Variants in CHD7 observed in about 807,000 individuals in gnomAD.
The protein encoded by CHD7 is ATP-dependent chromatin remodeler CHD7.
CHD7 carries 24 observed loss-of-function variants against 307.3 expected under a neutral mutation model. The ratio of observed to expected loss-of-function variants is 0.08; its 90% CI spans 0.06 to 0.11. CHD7 has a LOEUF of 0.11. Among genes scored for constraint, CHD7 ranks in the 10% least tolerant of loss-of-function variants. The pLI is 1.00. For synonymous variants in CHD7, 1,363 were observed against 1,349.9 expected (o/e 1.01, Z -0.21); for missense variants, 3,106 against 3,727.1 (o/e 0.83, Z 4.34).
intron 2 of CHD7, among the ~76,000 whole-genome samples, chr8:60,766,616 A>G (rs1282696490): frequency 6.6e-6 from 1 of 152,164 alleles, no homozygotes; most frequent in East Asian, 1.9e-4. Flanking sequence ...CTTTGTCTAC[A>G]TTGAAGGTGG....
At chr8:60,745,043 G>GGT (rs1249674813) in intron 2 of CHD7, among the ~76,000 whole-genome samples, 1 of 150,584 alleles carries the variant, frequency 6.6e-6, no homozygotes, top group African/African-American at 2.4e-5. Context: ...TGAAGACCTT[G>GGT]GTGATCCTCA....
At chr8:60,839,554 G>GTA (rs1804880660) in intron 19 of CHD7, among the ~76,000 whole-genome samples, 1 of 152,112 alleles carries the variant, frequency 6.6e-6, no homozygotes, top group South Asian at 2.1e-4. Context: ...CAGATAGTAA[G>GTA]AAGTATAGAT....
chr8:60,849,003 T>G (rs1805330888), intron 24 of CHD7, 48 bp from the exon 25 acceptor site: 1 of 1,412,142 alleles, frequency 7.1e-7, no homozygotes, highest in Non-Finnish European at 1.0e-6. Context: ...ATTCATTACT[T>G]GGAATTCTTT....
Position 60,850,535 on chromosome 8 carries a change from G to C in CHD7, c.5447G>C (p.Cys1816Ser), listed in dbSNP as rs570691119. Residue 1816 changes from cysteine (C) to serine (S), a missense_variant, in exon 26 of 38, where the codon TGC becomes TCC. Transcript: ENST00000423902. ...TCCATGCGAGCTGACCCCGCGCTGT[G>C]CTTTCTGGAACGAGTCGGTATGCCT... ...YNSMRADPAL[C>S]FLERVGMPDA... 2.1e-5 allele frequency: 34 copies of C among 1,613,664 alleles called. 1 individual carries two copies. In the South Asian group the frequency reaches 3.5e-4, roughly 17 times the overall value.
intron 2 of CHD7, among the ~76,000 whole-genome samples, chr8:60,779,864 G>A (rs535036723): frequency 6.6e-5 from 10 of 152,164 alleles, no homozygotes; most frequent in East Asian, 1.9e-4. Context: ...TTAGAGTGGC[G>A]GTGTCTTCAA....
rs182061582 is a variant in CHD7 at position 60,742,612 on chromosome 8, C to T, written c.1180C>T (p.Pro394Ser). 32 of 1,613,148 alleles carry T rather than the reference C, an allele frequency of 2.0e-5. No individual in the cohort carries two copies. The highest frequency in any genetic ancestry group is 6.7e-5 in the East Asian group (3 of 44,884). Residue 394 changes from proline (P) to serine (S), a missense_variant, in exon 2 of 38, where the codon CCT becomes TCT. Coordinates refer to ENST00000423902, the MANE Select transcript of CHD7 (RefSeq NM_017780.4). ...SQPQGTYASP[P>S]PMSPMKAMSN... Reference sequence around the variant, plus strand: ...GCCTCAGGGAACTTATGCCTCTCCACCTCCCATGTCACCCATGAAAGCAAT... The same window carrying T: ...GCCTCAGGGAACTTATGCCTCTCCATCTCCCATGTCACCCATGAAAGCAAT...
chr8:60,767,025 G>T (rs1810504680), intron 2 of CHD7, among the ~76,000 whole-genome samples: 1 of 152,200 alleles, frequency 6.6e-6, no homozygotes, highest in Non-Finnish European at 1.5e-5. Flanking sequence ...ACCAGGAAGA[G>T]CCTGGAAGAT....
At chr8:60,803,986 C>T (rs1345238603) in intron 6 of CHD7, among the ~76,000 whole-genome samples, 1 of 152,018 alleles carries the variant, frequency 6.6e-6, no homozygotes, top group East Asian at 1.9e-4. Context: ...TGGTGTTGAC[C>T]CAGAGTGGAG....
intron 4 of CHD7, among the ~76,000 whole-genome samples, chr8:60,798,286 G>A (rs926587430): frequency 6.6e-6 from 1 of 152,164 alleles, no homozygotes; most frequent in African/African-American, 2.4e-5. Context: ...AGGAACCTCT[G>A]GCCCATGTCA....
intron 1 of CHD7, among the ~76,000 whole-genome samples, chr8:60,726,669 T>C (rs1166606447): frequency 6.6e-6 from 1 of 152,212 alleles, no homozygotes; most frequent in Non-Finnish European, 1.5e-5. Context: ...AATTTCTTTG[T>C]AGTGCAGGTT....
At chr8:60,704,528 G>A (rs1159839837) in intron 1 of CHD7, among the ~76,000 whole-genome samples, 1 of 151,778 alleles carries the variant, frequency 6.6e-6, no homozygotes, top group African/African-American at 2.4e-5. Flanking sequence ...AAGAGCAATG[G>A]GAAGGAGTTA....
chr8:60,864,669 CCT>C (rs1766132761), intron 37 of CHD7: 1 of 262,542 alleles, frequency 3.8e-6, no homozygotes, highest in Admixed American at 5.0e-5. Context: ...GTGTAGTCAC[CCT>C]GTTGTGTTAT....
intron 6 of CHD7, 143 bp downstream of exon 6, chr8:60,801,736 C>T (rs996879303): frequency 2.6e-5 from 16 of 609,260 alleles, no homozygotes; most frequent in East Asian, 5.6e-5. Context: ...TTTATTAACC[C>T]AATATGAATC....
At chr8:60,697,432 T>G (rs1156958058) in intron 1 of CHD7, among the ~76,000 whole-genome samples, 1 of 152,200 alleles carries the variant, frequency 6.6e-6, no homozygotes, top group Non-Finnish European at 1.5e-5. Context: ...TTATATCTTC[T>G]ATAGCAAACA....
intron 2 of CHD7, among the ~76,000 whole-genome samples, chr8:60,750,796 T>C (rs1489070221): frequency 1.3e-5 from 2 of 152,262 alleles, no homozygotes; most frequent in African/African-American, 4.8e-5. Flanking sequence ...TATCAGTTGC[T>C]GCAAATTCTT....
chr8:60,845,182 GC>G, intron 22 of CHD7, 67 bp from the exon 23 acceptor site: 1 of 1,574,276 alleles, frequency 6.4e-7, no homozygotes, highest in Non-Finnish European at 8.6e-7. Context: ...CGTGCATTAA[GC>G]TCTCTGCCAT....
chr8:60,822,421 C>A lies in CHD7; in HGVS notation c.2958-82C>A, dbSNP rs1804087665. The stretch of plus-strand genomic sequence containing the variant: ...GCCTTTGGGTATGCATTTGTGGGTA[C>A]AATGGTATATATTTTGTGAAATGAC... On this transcript the variant is annotated intron_variant, in intron 11 of 37. Transcript: ENST00000423902. 8 of 1,354,106 alleles carry A rather than the reference C, an allele frequency of 5.9e-6. No homozygotes were observed. The Admixed American group carries it at 1.4e-4, about 23-fold the overall frequency. 83.9% of individuals were successfully genotyped at this position (1,354,106 alleles called of 1,614,324 possible). A position where few individuals can be genotyped will look rare whatever the true frequency, so the allele number is the denominator to read the frequency against.
At position 60,852,059 on chromosome 8, in the gene CHD7, C is replaced by T; in HGVS notation, c.5706C>T (p.Tyr1902=). The T allele has an allele frequency of 1.1e-5, 17 of 1,613,728 alleles. No homozygotes were observed. The highest frequency in any genetic ancestry group is 1.4e-5 in the Non-Finnish European group (17 of 1,179,766). Residue 1902 remains tyrosine (Y), a synonymous_variant, in exon 29 of 38, where the codon TAC becomes TAT. Transcript: ENST00000423902. ...SESNAELGQL[Y]WPNTSTLTTR... ...GTAATGCTGAGTTAGGCCAACTTTA[C>T]TGGCCTAACACTTCAACCCTGACTA...
At chr8:60,725,649 C>A (rs992451753) in intron 1 of CHD7, among the ~76,000 whole-genome samples, 17 of 152,160 alleles carry the variant, frequency 1.1e-4, no homozygotes, top group Non-Finnish European at 2.2e-4. Context: ...CAGTTACATT[C>A]TGAACCCTTG....
Sources: gnomAD v4.1 joint callset for allele counts (sites outside exome capture counted in the v4.1 genomes callset) on GRCh38, gnomAD v4.1.1 for gene constraint, MANE v1.5 for transcripts, NCBI Gene and HGNC (gene_info 2026-07-23, HGNC 2026-07-21) for gene names.